SLCO3A1: variants seen among roughly 807,000 people sequenced by gnomAD.
The protein encoded by SLCO3A1 is PGE1 transporter.
A neutral mutation model predicts 63.1 loss-of-function variants in SLCO3A1; 27 were observed. The observed-to-expected ratio is 0.43, with a 90% CI of 0.32 to 0.59. SLCO3A1 has a LOEUF of 0.59. Among genes scored for constraint, SLCO3A1 ranks in the 20% least tolerant of loss-of-function variants. SLCO3A1 has a pLI of 0.09. For synonymous variants in SLCO3A1, 473 were observed against 409.9 expected (o/e 1.15, Z -1.86); for missense variants, 773 against 945.8 (o/e 0.82, Z 2.40).
intron 2 of SLCO3A1, among the ~76,000 whole-genome samples, chr15:92,035,752 G>T (rs1349882140): frequency 6.6e-6 from 1 of 151,844 alleles, no homozygotes; most frequent in African/African-American, 2.4e-5. Flanking sequence ...TCTCCATCCA[G>T]TGTTACTTCC....
chr15:92,091,363 T>C (rs1009914235), intron 2 of SLCO3A1, among the ~76,000 whole-genome samples: 2 of 152,308 alleles, frequency 1.3e-5, no homozygotes, highest in African/African-American at 4.8e-5. Context: ...CTGGAGGCGC[T>C]GGCCCTTCCT....
At chr15:91,939,466 G>T (rs1899538664) in intron 2 of SLCO3A1, among the ~76,000 whole-genome samples, 1 of 152,178 alleles carries the variant, frequency 6.6e-6, no homozygotes. Flanking sequence ...TTCTGCAGCA[G>T]GAGCCTCCAC....
At chr15:91,934,522 A>C (rs888373047) in intron 2 of SLCO3A1, among the ~76,000 whole-genome samples, 2 of 152,132 alleles carry the variant, frequency 1.3e-5, no homozygotes, top group Admixed American at 6.5e-5. Context: ...TTTTTAATAC[A>C]TTTGCCAGTA....
At chr15:92,120,157 C>T (rs2047846487) in intron 4 of SLCO3A1, among the ~76,000 whole-genome samples, 1 of 151,944 alleles carries the variant, frequency 6.6e-6, no homozygotes, top group Non-Finnish European at 1.5e-5. Context: ...AAAATATCTT[C>T]TGACATTGCT....
chr15:92,158,922 G>A (rs145731382), intron 9 of SLCO3A1, among the ~76,000 whole-genome samples: 4 of 152,284 alleles, frequency 2.6e-5, no homozygotes, highest in Admixed American at 6.5e-5. Flanking sequence ...AGTATAAAAG[G>A]AATCTCACAA....
At position 92,163,412 on chromosome 15, in the gene SLCO3A1, A is replaced by G. The variant is rs1007559776; in HGVS notation, c.*277A>G. The stretch of plus-strand genomic sequence containing the variant: ...ACTTTGAAGGCACCTCATGGTTTTC[A>G]GGATGCTGACAGCTGCAAGCAACAG... On this transcript the variant is annotated 3_prime_UTR_variant, in exon 10 of 10. Coordinates refer to ENST00000318445, the MANE Select transcript of SLCO3A1 (RefSeq NM_013272.4). 1 of 1,093,108 alleles carries G rather than the reference A, an allele frequency of 9.1e-7. No homozygotes were observed. Among genetic ancestry groups the G allele is most frequent in the Non-Finnish European group, 1.1e-6 (1 of 900,638 alleles). 67.7% of individuals were successfully genotyped at this position (1,093,108 alleles called of 1,614,324 possible). A position where few individuals can be genotyped will look rare whatever the true frequency, so the allele number is the denominator to read the frequency against.
At chr15:92,110,874 A>ATGGATG (rs55784429) in intron 4 of SLCO3A1, among the ~76,000 whole-genome samples, 1 of 151,194 alleles carries the variant, frequency 6.6e-6, no homozygotes, top group Admixed American at 6.6e-5. Context: ...TGACCAATCC[A>ATGGATG]TAGACTTGGC....
intron 2 of SLCO3A1, among the ~76,000 whole-genome samples, chr15:91,965,772 G>A (rs1388780759): frequency 6.6e-6 from 1 of 151,954 alleles, no homozygotes; most frequent in Admixed American, 6.6e-5. Context: ...ATTCGTAGGA[G>A]TGAGTGTGGG....
intron 2 of SLCO3A1, among the ~76,000 whole-genome samples, chr15:91,925,398 A>G (rs183290873): frequency 2.8e-4 from 42 of 151,748 alleles, no homozygotes; most frequent in Admixed American, 6.6e-4. Context: ...TCATTGCTAG[A>G]TAATTTTTTA....
At chr15:91,961,873 G>A (rs1257536067) in intron 2 of SLCO3A1, among the ~76,000 whole-genome samples, 1 of 152,226 alleles carries the variant, frequency 6.6e-6, no homozygotes, top group African/African-American at 2.4e-5. Flanking sequence ...CTCAGAACAT[G>A]GAAGGGACCC....
chr15:91,991,604 G>A (rs1383042127), intron 2 of SLCO3A1, among the ~76,000 whole-genome samples: 1 of 152,132 alleles, frequency 6.6e-6, no homozygotes, highest in African/African-American at 2.4e-5. Context: ...GAGAACAGAT[G>A]AAATTAATTT....
intron 1 of SLCO3A1, among the ~76,000 whole-genome samples, chr15:91,881,344 A>G (rs1267048896): frequency 6.6e-6 from 1 of 152,022 alleles, no homozygotes; most frequent in Non-Finnish European, 1.5e-5. Flanking sequence ...GACAGAATTT[A>G]AACACCAAAA....
intron 2 of SLCO3A1, among the ~76,000 whole-genome samples, chr15:92,024,237 G>GT (rs1165260853): frequency 6.6e-5 from 10 of 151,986 alleles, no homozygotes; most frequent in Non-Finnish European, 5.9e-5. Context: ...TCATCTCAGT[G>GT]TTTTTTTTCT....
At chr15:91,928,752 C>T (rs1036764994) in intron 2 of SLCO3A1, among the ~76,000 whole-genome samples, 1 of 152,208 alleles carries the variant, frequency 6.6e-6, no homozygotes. Context: ...TAAAAACTCT[C>T]ATCAGATAAA....
At chr15:92,005,162 A>G (rs1261414531) in intron 2 of SLCO3A1, among the ~76,000 whole-genome samples, 1 of 152,200 alleles carries the variant, frequency 6.6e-6, no homozygotes, top group Admixed American at 6.5e-5. Flanking sequence ...AGAACCCTAC[A>G]GAGAGATTTT....
In SLCO3A1 at chr15:92,128,333, G is replaced by A. The variant is rs1163557326; in HGVS notation, c.1374-18G>A. ...TTGACCTGTTTCTAATGGCTTCCGT[G>A]TTTCCTTTCTTTTCCAGCACAGCAC... On this transcript the variant is annotated intron_variant, in intron 6 of 9. Coordinates refer to ENST00000318445, the MANE Select transcript of SLCO3A1 (RefSeq NM_013272.4). 1.9e-6 allele frequency: 3 copies of A among 1,613,358 alleles called. No individual in the cohort carries two copies. In the African/African-American group the frequency reaches 4.0e-5, roughly 22 times the overall value.
chr15:91,950,359 T>G lies in SLCO3A1; in HGVS notation c.646+33901T>G, dbSNP rs1428246296. Among the ~76,000 whole-genome samples the G allele has an allele frequency of 1.3e-5, 2 of 152,158 alleles. No homozygotes were observed. Among genetic ancestry groups the G allele is most frequent in the Non-Finnish European group, 2.9e-5 (2 of 68,026 alleles). On this transcript the variant is annotated intron_variant, in intron 2 of 9. Coordinates refer to ENST00000318445, the MANE Select transcript of SLCO3A1 (RefSeq NM_013272.4). The surrounding 1 kb of genome is among the most constrained non-coding windows in gnomAD (Gnocchi z 4.4). The stretch of plus-strand genomic sequence containing the variant: ...CGTGTTGCACGTGGGACAGGGGCCC[T>G]GGCTGGGCAGGCAGGGGGAGCCCAG...
At chr15:92,132,725 C>T (rs923616441) in intron 7 of SLCO3A1, among the ~76,000 whole-genome samples, 1 of 145,484 alleles carries the variant, frequency 6.9e-6, no homozygotes, top group East Asian at 1.9e-4. Flanking sequence ...ATTCATCCCC[C>T]CCATTCCAGG....
chr15:92,025,436 A>ATGCTGCTGCTCT (rs1038250794), intron 2 of SLCO3A1, among the ~76,000 whole-genome samples: 1 of 152,158 alleles, frequency 6.6e-6, no homozygotes, highest in Non-Finnish European at 1.5e-5. Flanking sequence ...GATGACACTA[A>ATGCTGCTGCTCT]TGCTGCTGCT....
Sources: gnomAD v4.1 joint callset for allele counts (sites outside exome capture counted in the v4.1 genomes callset) on GRCh38, gnomAD v4.1.1 for gene constraint, Gnocchi (gnomAD v3.1) non-coding constraint, MANE v1.5 for transcripts, NCBI Gene and HGNC (gene_info 2026-07-23, HGNC 2026-07-21) for gene names.